KDM6B: variants seen among roughly 807,000 people sequenced by gnomAD.
The protein encoded by KDM6B is lysine-specific demethylase 6B.
A neutral mutation model predicts 150.4 loss-of-function variants in KDM6B; 22 were observed. The ratio of observed to expected loss-of-function variants is 0.15; its 90% CI spans 0.10 to 0.21. KDM6B has a LOEUF of 0.21. KDM6B is among the 10% of genes least tolerant of loss of function. The probability of loss-of-function intolerance (pLI) is 1.00; values close to 1 mark genes in which losing one functional copy is unlikely to be tolerated. For synonymous variants in KDM6B, 1,148 were observed against 921.1 expected (o/e 1.25, Z -4.46); for missense variants, 1,984 against 2,234.3 (o/e 0.89, Z 2.26).
intron 14 of KDM6B, 116 bp from the exon 15 acceptor site, chr17:7,850,905 C>A: frequency 1.0e-6 from 1 of 959,500 alleles, no homozygotes; most frequent in Non-Finnish European, 1.6e-6. Flanking sequence ...CTGAGCTCTG[C>A]TAAACCTATG....
rs1452757341 is a variant in KDM6B, at chr17:7,851,681, G to T, written c.4050G>T (p.Leu1350=). The T allele has an allele frequency of 6.3e-7, 1 of 1,576,694 alleles. No homozygotes were observed. Among genetic ancestry groups the T allele is most frequent in the Non-Finnish European group, 8.6e-7 (1 of 1,161,316 alleles). The part of the protein sequence containing the change: ...WKPQLQELLK[L]PAFMRVTSTG... ...CCCAGCTGCAGGAGCTGCTGAAGCTGCCCGCCTTCATGCGGGTAACATCCA... is the reference window on the plus strand; with the variant it reads ...CCCAGCTGCAGGAGCTGCTGAAGCTTCCCGCCTTCATGCGGGTAACATCCA... The change falls in exon 18 of 24, where the codon CTG becomes CTT. Residue 1350 remains leucine, a synonymous_variant. Coordinates refer to ENST00000448097, the MANE Select transcript of KDM6B (RefSeq NM_001348716.2).
intron 2 of KDM6B, among the ~76,000 whole-genome samples, chr17:7,841,776 C>T (rs1367850348): frequency 6.6e-6 from 1 of 152,086 alleles, no homozygotes; most frequent in Non-Finnish European, 1.5e-5. Flanking sequence ...CGTCACTCCT[C>T]GGTGGGGGGC....
At chr17:7,835,718 C>A (rs927970912) in intron 1 of KDM6B, among the ~76,000 whole-genome samples, 1 of 152,106 alleles carries the variant, frequency 6.6e-6, no homozygotes, top group East Asian at 1.9e-4. Context: ...GCCTGGGACC[C>A]GCACGTGCAC....
intron 16 of KDM6B, 27 bp from the exon 17 acceptor site, chr17:7,851,451 A>G (rs372422499): frequency 5.6e-6 from 9 of 1,613,906 alleles, no homozygotes; most frequent in South Asian, 1.1e-5. Context: ...TCTGCTCTCC[A>G]CCAACCTGTG....
intron 22 of KDM6B, 29 bp from the exon 23 acceptor site, chr17:7,853,181 C>G: frequency 6.2e-7 from 1 of 1,613,878 alleles, no homozygotes; most frequent in Non-Finnish European, 8.5e-7. Flanking sequence ...CCCTCCCTCC[C>G]CCTGACTGCA....
At position 7,847,632 on chromosome 17, in the gene KDM6B, G is replaced by A. The variant is rs775217927; in HGVS notation, c.1344G>A (p.Pro448=). The A allele has an allele frequency of 1.2e-6, 2 of 1,611,408 alleles. No homozygotes were observed. The highest frequency in any genetic ancestry group is 4.5e-5 in the East Asian group (2 of 44,846). ...LGPSAHSSRK[P]FLGAPAATPH... ...CCTCGGCACACAGCAGTCGGAAACC[G>A]TTCTTGGGGGCTCCCGCTGCCACTC... Residue 448 remains proline, a synonymous_variant, in exon 12 of 24, where the codon CCG becomes CCA. Coordinates refer to ENST00000448097, the MANE Select transcript of KDM6B (RefSeq NM_001348716.2).
chr17:7,849,837 G>A lies in KDM6B; in HGVS notation c.3457G>A (p.Gly1153Arg), dbSNP rs762848298. ...CTCCCGCAGGAATGCCAAGGTGAAA[G>A]GGAAGTTTCGAGAGTCCTACCTTTC... ...VRASRNAKVK[G>R]KFRESYLSPA... The change falls in exon 13 of 24, where the codon GGG (glycine) becomes AGG (arginine). Residue 1153 changes from glycine to arginine, a missense_variant. Gly to Arg is a moderately radical substitution (Grantham distance 125). Transcript: ENST00000448097. 2 of 1,613,084 alleles carry A rather than the reference G, an allele frequency of 1.2e-6. No homozygotes were observed. The highest frequency in any genetic ancestry group is 1.7e-5 in the Admixed American group (1 of 60,006).
rs2078683293 is a variant in KDM6B, at chr17:7,851,053, G to A, written c.3706G>A (p.Glu1236Lys). 2 of 1,612,334 alleles carry A rather than the reference G, an allele frequency of 1.2e-6. No homozygotes were observed. Among genetic ancestry groups the A allele is most frequent in the African/African-American group, 1.3e-5 (1 of 74,892 alleles). The change falls in exon 15 of 24, where the codon GAA (glutamate) becomes AAA (lysine). Residue 1236 changes from glutamate (E) to lysine (K), a missense_variant. Around this residue, in one of 13 missense-constraint regions of KDM6B, gnomAD observed 25 missense variants for 36.4 expected, o/e 0.69. Transcript: ENST00000448097. ...LGLFSTKTLV[E>K]ASGEHTVEVR... Reference sequence around the variant, plus strand: ...CCTCTTCTCCACCAAGACCCTGGTGGAAGCGAGTGGCGAACACACCGTGGA... The same window carrying A: ...CCTCTTCTCCACCAAGACCCTGGTGAAAGCGAGTGGCGAACACACCGTGGA...
At chr17:7,837,138 T>G (rs2078344582) in intron 1 of KDM6B, among the ~76,000 whole-genome samples, 1 of 152,158 alleles carries the variant, frequency 6.6e-6, no homozygotes, top group South Asian at 2.1e-4. Context: ...ACAGAAGAGC[T>G]TCCCCTCCAA....
chr17:7,844,955 G>A lies in KDM6B; in HGVS notation c.-214G>A, dbSNP rs990329153. The A allele has an allele frequency of 1.2e-5, 2 of 171,846 alleles. No homozygotes were observed. Among genetic ancestry groups the A allele is most frequent in the Admixed American group, 1.1e-4 (2 of 18,268 alleles). 10.6% of individuals were successfully genotyped at this position (171,846 alleles called of 1,614,324 possible). A position where few individuals can be genotyped will look rare whatever the true frequency, so the allele number is the denominator to read the frequency against. On this transcript the variant is annotated 5_prime_UTR_variant, in exon 3 of 24. Coordinates refer to ENST00000448097, the MANE Select transcript of KDM6B (RefSeq NM_001348716.2). The surrounding 1 kb of genome is among the most constrained non-coding windows in gnomAD (Gnocchi z 5.9). Reference sequence around the variant, plus strand: ...GATTGGCTTTCTGGGGAGAGAGGAAGTCCTGTGATTGGCCAGATCTCTGGA... The same window carrying A: ...GATTGGCTTTCTGGGGAGAGAGGAAATCCTGTGATTGGCCAGATCTCTGGA...
chr17:7,845,587 C>T lies in KDM6B; in HGVS notation c.33C>T (p.Arg11=), dbSNP rs746215161. 8 of 1,614,014 alleles carry T rather than the reference C, an allele frequency of 5.0e-6. No individual in the cohort carries two copies. The Admixed American group carries it at 6.7e-5, about 13-fold the overall frequency. Residue 11 remains arginine (R), a synonymous_variant, in exon 5 of 24, where the codon CGC becomes CGT. Transcript: ENST00000448097. MHRAVDPPGA[R]AAREAFALGG... is the part of the protein sequence containing the mutation. Reference sequence around the variant, plus strand: ...GGGCAGTGGACCCTCCAGGGGCCCGCGCTGCACGGGAAGCCTTTGCCCTTG... The same window carrying T: ...GGGCAGTGGACCCTCCAGGGGCCCGTGCTGCACGGGAAGCCTTTGCCCTTG...
Position 7,845,909 on chromosome 17 carries a change from C to G in KDM6B, c.175C>G (p.Pro59Ala), listed in dbSNP as rs1214538742. The stretch of plus-strand genomic sequence containing the variant: ...CATTGGGCAGCCCCCGCTTCCTGCT[C>G]CCCTACCCCCTTCACATGGCAGTAG... ...ASIGQPPLPA[P>A]LPPSHGSSSG... The change falls in exon 6 of 24, where the codon CCC becomes GCC. Residue 59 changes from proline to alanine, a missense_variant. Around this residue, in one of 13 missense-constraint regions of KDM6B, gnomAD observed 337 missense variants for 323.9 expected, o/e 1.04. Coordinates refer to ENST00000448097, the MANE Select transcript of KDM6B (RefSeq NM_001348716.2). The G allele has an allele frequency of 6.2e-7, 1 of 1,614,088 alleles. No individual in the cohort carries two copies. Among genetic ancestry groups the G allele is most frequent in the East Asian group, 2.2e-5 (1 of 44,890 alleles).
In KDM6B at chr17:7,851,056, G is replaced by T. The variant is rs1429184378; in HGVS notation, c.3709G>T (p.Ala1237Ser). ...CTTCTCCACCAAGACCCTGGTGGAAGCGAGTGGCGAACACACCGTGGAAGT... is the reference window on the plus strand; with the variant it reads ...CTTCTCCACCAAGACCCTGGTGGAATCGAGTGGCGAACACACCGTGGAAGT... ...GLFSTKTLVE[A>S]SGEHTVEVRT... The change falls in exon 15 of 24, where the codon GCG becomes TCG. Residue 1237 changes from alanine to serine, a missense_variant. Ala to Ser is a moderately conservative substitution (Grantham distance 99). Transcript: ENST00000448097. 7 of 1,612,632 alleles carry T rather than the reference G, an allele frequency of 4.3e-6. No individual in the cohort carries two copies. In the Admixed American group the frequency reaches 1.2e-4, roughly 27 times the overall value.
At chr17:7,850,478 TTTA>T (rs1276754597) in intron 14 of KDM6B, among the ~76,000 whole-genome samples, 1 of 152,216 alleles carries the variant, frequency 6.6e-6, no homozygotes, top group Non-Finnish European at 1.5e-5. Context: ...CTCTCAGTCT[TTTA>T]TTGCGCAGAA....
chr17:7,844,873 T>G lies in KDM6B; in HGVS notation c.-268-28T>G, dbSNP rs1312653605. On this transcript the variant is annotated intron_variant, in intron 2 of 23. Transcript: ENST00000448097. The surrounding 1 kb of genome is among the most constrained non-coding windows in gnomAD (Gnocchi z 5.9). Reference sequence around the variant, plus strand: ...CCTCCCCCGGCCACCGCTGCCGGGCTCACCTCGCTCCCATTGGTTCCGGCC... The same window carrying G: ...CCTCCCCCGGCCACCGCTGCCGGGCGCACCTCGCTCCCATTGGTTCCGGCC... 6.4e-6 allele frequency: 1 copy of G among 157,072 alleles called. No individual in the cohort carries two copies. The highest frequency in any genetic ancestry group is 1.4e-5 in the Non-Finnish European group (1 of 70,340). The allele number at this position is 157,072 out of a possible 1,614,324, so 9.7% of individuals were successfully genotyped here.
rs1289201269 is a variant in KDM6B at position 7,846,377 on chromosome 17, GC to G, written c.457-19del. 3.4e-6 allele frequency: 5 copies of G among 1,479,516 alleles called. No individual in the cohort carries two copies. In the African/African-American group the frequency reaches 6.4e-5, roughly 19 times the overall value. 91.6% of individuals were successfully genotyped at this position (1,479,516 alleles called of 1,614,324 possible). A position where few individuals can be genotyped will look rare whatever the true frequency, so the allele number is the denominator to read the frequency against. ...AGTGCCCCACCTGACATCTGCCCCT[GC>G]CCCGTGTCCCCCCACCCCCAGGCCC... On this transcript the variant is annotated intron_variant, in intron 7 of 23. Coordinates refer to ENST00000448097, the MANE Select transcript of KDM6B (RefSeq NM_001348716.2).
Position 7,847,610 on chromosome 17 carries a change from C to G in KDM6B, c.1322C>G (p.Ser441Trp). 6.2e-7 allele frequency: 1 copy of G among 1,612,452 alleles called. No individual in the cohort carries two copies. The highest frequency in any genetic ancestry group is 8.5e-7 in the Non-Finnish European group (1 of 1,179,722). Residue 441 changes from serine to tryptophan, a missense_variant, in exon 12 of 24, where the codon TCG becomes TGG. By Grantham distance (177) the Ser-to-Trp change is radical. Around this residue, in one of 13 missense-constraint regions of KDM6B, gnomAD observed 1,379 missense variants for 1,275.6 expected, o/e 1.08. Coordinates refer to ENST00000448097, the MANE Select transcript of KDM6B (RefSeq NM_001348716.2). ...EVSHHGRLGP[S>W]AHSSRKPFLG... ...TCTCACCATGGCCGCCTGGGGCCCT[C>G]GGCACACAGCAGTCGGAAACCGTTC...
At chr17:7,837,163 A>G (rs76351384) in intron 1 of KDM6B, among the ~76,000 whole-genome samples, 1 of 152,202 alleles carries the variant, frequency 6.6e-6, no homozygotes, top group Non-Finnish European at 1.5e-5. Context: ...CCGCCCCCAT[A>G]GAAAAAGCTA....
Position 7,845,707 on chromosome 17 carries a change from C to A in KDM6B, c.137+16C>A. On this transcript the variant is annotated intron_variant, in intron 5 of 23. Coordinates refer to ENST00000448097, the MANE Select transcript of KDM6B (RefSeq NM_001348716.2). ...CTGGAGGCAGGTGAGAAGTTGGGGC[C>A]CTCTGTCTCCAGGCACACCTCTTTC... The A allele has an allele frequency of 6.2e-7, 1 of 1,614,084 alleles. No individual in the cohort carries two copies. Among genetic ancestry groups the A allele is most frequent in the Non-Finnish European group, 8.5e-7 (1 of 1,180,000 alleles).
Sources: gnomAD v4.1 joint callset for allele counts (sites outside exome capture counted in the v4.1 genomes callset) on GRCh38, gnomAD v4.1.1 for gene constraint, gnomAD v4.1.1 regional missense constraint, Gnocchi (gnomAD v3.1) non-coding constraint, MANE v1.5 for transcripts, NCBI Gene and HGNC (gene_info 2026-07-23, HGNC 2026-07-21) for gene names.